Variants in PTPN3 observed in about 807,000 individuals in gnomAD.
The protein encoded by PTPN3 is tyrosine-protein phosphatase non-receptor type 3.
A neutral mutation model predicts 132.7 loss-of-function variants in PTPN3; 96 were observed. The ratio of observed to expected loss-of-function variants is 0.72; its 90% confidence interval spans 0.61 to 0.86. The LOEUF is 0.86. Ranked by LOEUF, PTPN3 falls within the 40% of genes least tolerant of loss-of-function variation. PTPN3 has a pLI of 0.00. For missense variants in PTPN3, 1,125 were observed against 1,159.6 expected (o/e 0.97, Z 0.43); for synonymous variants, 398 against 429.0 (o/e 0.93, Z 0.89).
rs938243410 is a variant in PTPN3, at chr9:109,378,393, A to G, written c.*1163T>C. 1 of 152,678 alleles carries G rather than the reference A, an allele frequency of 6.5e-6. No individual in the cohort carries two copies. Among genetic ancestry groups the G allele is most frequent in the Non-Finnish European group, 1.5e-5 (1 of 68,044 alleles). The allele number at this position is 152,678 out of a possible 1,614,324, so 9.5% of individuals were successfully genotyped here. On this transcript the variant is annotated 3_prime_UTR_variant, in exon 26 of 26. Coordinates refer to ENST00000374541, the MANE Select transcript of PTPN3 (RefSeq NM_002829.4). The stretch of plus-strand genomic sequence containing the variant: ...TAAATTAACATCAGATTGTGTTTAT[A>G]TTCAGATAGTCTGATCCTCTCCTTT...
chr9:109,432,023 A>G (rs1007745012), intron 10 of PTPN3, among the ~76,000 whole-genome samples: 3 of 148,944 alleles, frequency 2.0e-5, no homozygotes, highest in Admixed American at 6.7e-5. Flanking sequence ...ATAATTATAT[A>G]TTTATGTGTA....
chr9:109,512,226 A>G, the PTPN3 span, among the ~76,000 whole-genome samples: 1 of 152,200 alleles, frequency 6.6e-6, no homozygotes, highest in Non-Finnish European at 1.5e-5. Flanking sequence ...TATTCCTTCC[A>G]GATTCTCACC....
chr9:109,390,822 A>C (rs1840011188), intron 21 of PTPN3, among the ~76,000 whole-genome samples: 1 of 152,068 alleles, frequency 6.6e-6, no homozygotes, highest in Non-Finnish European at 1.5e-5. Context: ...CAGTTTCATC[A>C]CTGGCAAAAA....
intron 5 of PTPN3, chr9:109,451,254 G>A: frequency 1.0e-6 from 1 of 985,100 alleles, no homozygotes; most frequent in Non-Finnish European, 1.2e-6. Context: ...GGCAGTCCTG[G>A]TGGCCCACCA....
chr9:109,491,052 C>T (rs533624771), intron 1 of PTPN3, among the ~76,000 whole-genome samples: 189 of 151,028 alleles, frequency 1.3e-3, no homozygotes, highest in South Asian at 2.3e-3. Flanking sequence ...AAACATTAGC[C>T]GGGCATGGTG....
At position 109,386,180 on chromosome 9, in the gene PTPN3, C is replaced by A. The variant is rs139790127; in HGVS notation, c.2254-2629G>T. The stretch of plus-strand genomic sequence containing the variant: ...GATAGGAACTTAGGGATAAAGGGCT[C>A]GGGTCATCTGGTCATCCAAGGGTTT... On this transcript the variant is annotated intron_variant, in intron 22 of 25. Transcript: ENST00000374541. 3.3e-5 allele frequency among the ~76,000 whole-genome samples: 5 copies of A among 152,150 alleles called. No individual in the cohort carries two copies. The East Asian group carries it at 9.7e-4, about 29-fold the overall frequency.
upstream of PTPN3, among the ~76,000 whole-genome samples, chr9:109,499,905 C>A (rs754964679): frequency 2.0e-5 from 3 of 152,162 alleles, no homozygotes; most frequent in South Asian, 2.1e-4. Flanking sequence ...CCGCGGCGCC[C>A]GCTCAGCACC....
chr9:109,533,192 C>T, the PTPN3 span, among the ~76,000 whole-genome samples: 3 of 124,188 alleles, frequency 2.4e-5, no homozygotes, highest in African/African-American at 3.1e-5. Flanking sequence ...GGCCGGACTG[C>T]GGACTGCAGT....
chr9:109,513,915 G>T, the PTPN3 span, among the ~76,000 whole-genome samples: 997 of 152,158 alleles, frequency 6.6e-3, 10 homozygotes, highest in African/African-American at 0.022. Flanking sequence ...TCTTTTGAGG[G>T]CCAGTTCTGA....
At chr9:109,471,796 GC>G (rs1846396660) in intron 1 of PTPN3, among the ~76,000 whole-genome samples, 1 of 151,860 alleles carries the variant, frequency 6.6e-6, no homozygotes, top group African/African-American at 2.4e-5. Flanking sequence ...GTATACCAAC[GC>G]ACCCAGCTTG....
intron 9 of PTPN3, 152 bp from the exon 10 acceptor site, chr9:109,433,313 C>G: frequency 7.7e-7 from 1 of 1,301,672 alleles, no homozygotes; most frequent in Non-Finnish European, 1.0e-6. Context: ...CCCCACTTAA[C>G]GGATACTTAA....
intron 9 of PTPN3, among the ~76,000 whole-genome samples, chr9:109,434,846 A>C (rs187824198): frequency 2.0e-5 from 3 of 152,318 alleles, no homozygotes; most frequent in African/African-American, 7.2e-5. Context: ...GGCACGTGGA[A>C]GACATAAGAA....
In PTPN3 at chr9:109,391,491, C is replaced by T. The variant is rs763280816; in HGVS notation, c.2024G>A (p.Arg675Gln). The change falls in exon 20 of 26, where the codon CGA becomes CAA. Residue 675 changes from arginine (R) to glutamine (Q), a missense_variant. Arg to Gln is a conservative substitution (Grantham distance 43). Transcript: ENST00000374541. The stretch of plus-strand genomic sequence containing the variant: ...CTCACAAGGCAGCACATCTTTATAT[C>T]GGTTTTTGTCCAAATTTTGAGGCAG... ...AKLPQNLDKN[R>Q]YKDVLPYDTT... is the part of the protein sequence containing the mutation. The T allele has an allele frequency of 1.5e-5, 24 of 1,613,332 alleles. No homozygotes were observed. Among genetic ancestry groups the T allele is most frequent in the Non-Finnish European group, 1.9e-5 (22 of 1,179,546 alleles).
intron 7 of PTPN3, among the ~76,000 whole-genome samples, chr9:109,441,843 G>A (rs1844496974): frequency 6.6e-6 from 1 of 151,818 alleles, no homozygotes. Context: ...CTGGGGTCAA[G>A]CAATCCTTCC....
rs1472063813 is a variant in PTPN3, at chr9:109,420,615, C to T, written c.1137-15G>A. The T allele has an allele frequency of 5.0e-6, 8 of 1,602,044 alleles. No individual in the cohort carries two copies. Among genetic ancestry groups the T allele is most frequent in the Non-Finnish European group, 6.8e-6 (8 of 1,172,498 alleles). On this transcript the variant is annotated splice_polypyrimidine_tract_variant and intron_variant, in intron 13 of 25. Coordinates refer to ENST00000374541, the MANE Select transcript of PTPN3 (RefSeq NM_002829.4). ...GAGGACTTCGCCTGGGTGGGAAAAA[C>T]GTTGAGTGCAAAGTGTTCAAAGCAA...
At chr9:109,399,721 T>C (rs1272702762) in intron 19 of PTPN3, among the ~76,000 whole-genome samples, 1 of 151,520 alleles carries the variant, frequency 6.6e-6, no homozygotes, top group Middle Eastern at 3.2e-3. Context: ...AGAAGGGAAT[T>C]AAGGCTACCC....
chr9:109,383,918 G>A (rs1200575645), intron 22 of PTPN3, among the ~76,000 whole-genome samples: 2 of 140,412 alleles, frequency 1.4e-5, no homozygotes, highest in Non-Finnish European at 3.1e-5. Flanking sequence ...CACCTCCAAC[G>A]GCCCCTCCTC....
the PTPN3 span, among the ~76,000 whole-genome samples, chr9:109,521,959 A>G: frequency 7.2e-6 from 1 of 138,394 alleles, no homozygotes; most frequent in Non-Finnish European, 1.6e-5. Flanking sequence ...TAGAGAGGGT[A>G]CCTCTCCTTA....
At chr9:109,439,308 T>A (rs1287742818) in intron 7 of PTPN3, among the ~76,000 whole-genome samples, 1 of 152,094 alleles carries the variant, frequency 6.6e-6, no homozygotes, top group Non-Finnish European at 1.5e-5. Flanking sequence ...CTACCTCTAA[T>A]GGGGCAACCG....
Sources: allele counts gnomAD v4.1 joint callset (sites outside exome capture counted in the v4.1 genomes callset), GRCh38; gene constraint gnomAD v4.1.1; transcripts MANE v1.5; gene names NCBI Gene and HGNC (gene_info 2026-07-23, HGNC 2026-07-21).